SH3BGR: variants seen among roughly 807,000 people sequenced by gnomAD.
The protein encoded by SH3BGR is SH3 domain binding glutamate rich protein.
In SH3BGR, 29 loss-of-function variants were observed where a neutral mutation model predicts 24.5. That is an observed-to-expected ratio of 1.18 (90% CI 0.88 to 1.61). The LOEUF (loss-of-function observed/expected upper bound fraction) is 1.61, where lower values mean the gene tolerates loss of function less well. SH3BGR is among the 40% of genes most tolerant of loss of function. SH3BGR has a pLI of 0.00. For missense variants in SH3BGR, 162 were observed against 205.8 expected (o/e 0.79, Z 1.30); for synonymous variants, 55 against 65.7 (o/e 0.84, Z 0.79).
rs1041924127 is a variant in SH3BGR at position 39,511,042 on chromosome 21, A to G, written c.436-638A>G. The stretch of plus-strand genomic sequence containing the variant: ...TGGGATTATAAAACCTGTTAGGATT[A>G]ACATATCATTCTAAAGCACCATTCT... On this transcript the variant is annotated intron_variant, in intron 5 of 6. Transcript: ENST00000333634. This position sits in a 1 kb window ranked among gnomAD's most constrained non-coding sequence, Gnocchi z 4.2. Among the ~76,000 whole-genome samples, 1 of 150,742 alleles carries G rather than the reference A, an allele frequency of 6.6e-6. No homozygotes were observed. Among genetic ancestry groups the G allele is most frequent in the Non-Finnish European group, 1.5e-5 (1 of 67,784 alleles).
intron 3 of SH3BGR, among the ~76,000 whole-genome samples, chr21:39,476,553 C>G (rs1283350674): frequency 1.3e-5 from 2 of 152,198 alleles, no homozygotes; most frequent in Non-Finnish European, 2.9e-5. Flanking sequence ...CTTCCCACCA[C>G]TGGAAATTTG....
chr21:39,464,738 C>A (rs1265159411), intron 2 of SH3BGR, among the ~76,000 whole-genome samples: 1 of 152,132 alleles, frequency 6.6e-6, no homozygotes, highest in African/African-American at 2.4e-5. Context: ...CTCCTCACCC[C>A]TCGCTCCTGT....
intron 3 of SH3BGR, among the ~76,000 whole-genome samples, chr21:39,480,380 C>T (rs151166502): frequency 2.6e-5 from 4 of 152,322 alleles, no homozygotes; most frequent in Non-Finnish European, 5.9e-5. Flanking sequence ...GGGAACCACT[C>T]AAATGCTTTC....
intron 3 of SH3BGR, among the ~76,000 whole-genome samples, chr21:39,479,244 G>GTGATGGTGGTGGTGGTGC (rs1569160872): frequency 7.5e-6 from 1 of 134,178 alleles, no homozygotes; most frequent in African/African-American, 3.3e-5. Context: ...GGTGGTGGTG[G>GTGATGGTGGTGGTGGTGC]TGGTGGTGGT....
chr21:39,467,625 C>G (rs1040836370), intron 2 of SH3BGR, among the ~76,000 whole-genome samples: 1 of 152,138 alleles, frequency 6.6e-6, no homozygotes, highest in Non-Finnish European at 1.5e-5. Flanking sequence ...TAATGTTAGT[C>G]TAGATAGTCA....
chr21:39,479,288 GGTAGTGGTAATGGTC>G (rs1569160973), intron 3 of SH3BGR, among the ~76,000 whole-genome samples: 1 of 151,278 alleles, frequency 6.6e-6, no homozygotes, highest in African/African-American at 2.4e-5. Context: ...TAGTGATGGT[GGTAGTGGTAATGGTC>G]ATGGTGGTGA....
At chr21:39,483,588 C>T (rs1010833827) in intron 3 of SH3BGR, among the ~76,000 whole-genome samples, 2 of 152,104 alleles carry the variant, frequency 1.3e-5, no homozygotes, top group Non-Finnish European at 2.9e-5. Flanking sequence ...ACCTGCTGAC[C>T]CTGAATTTGG....
intron 3 of SH3BGR, among the ~76,000 whole-genome samples, chr21:39,489,005 C>T (rs896861734): frequency 6.6e-6 from 1 of 152,180 alleles, no homozygotes; most frequent in Non-Finnish European, 1.5e-5. Flanking sequence ...AGATGAGCAA[C>T]AGAGAGAATG....
chr21:39,480,015 G>A (rs2078106153), intron 3 of SH3BGR, among the ~76,000 whole-genome samples: 1 of 152,254 alleles, frequency 6.6e-6, no homozygotes, highest in South Asian at 2.1e-4. Flanking sequence ...TGATTAACTA[G>A]AAACTGCCTG....
At position 39,511,918 on chromosome 21, in the gene SH3BGR, C is replaced by G; in HGVS notation, c.*34+109C>G. On this transcript the variant is annotated intron_variant, in intron 6 of 6. Coordinates refer to ENST00000333634, the MANE Select transcript of SH3BGR (RefSeq NM_007341.3). This position sits in a 1 kb window ranked among gnomAD's most constrained non-coding sequence, Gnocchi z 4.2. ...AAAGGGAATTCCAATTCAGGGCTGT[C>G]TGTCTCCTTCCAAAGCCCTGGTCTG... The G allele has an allele frequency of 9.7e-7, 1 of 1,034,718 alleles. No individual in the cohort carries two copies. The highest frequency in any genetic ancestry group is 1.3e-6 in the Non-Finnish European group (1 of 742,284). 64.1% of individuals were successfully genotyped at this position (1,034,718 alleles called of 1,614,324 possible). A position where few individuals can be genotyped will look rare whatever the true frequency, so the allele number is the denominator to read the frequency against.
intron 2 of SH3BGR, among the ~76,000 whole-genome samples, chr21:39,465,587 T>G (rs2077828266): frequency 2.0e-5 from 3 of 152,122 alleles, no homozygotes; most frequent in Admixed American, 2.0e-4. Context: ...CTGCCCATGC[T>G]TATTTTATTT....
intron 3 of SH3BGR, among the ~76,000 whole-genome samples, chr21:39,481,118 A>T (rs997623566): frequency 6.6e-6 from 1 of 152,178 alleles, no homozygotes; most frequent in African/African-American, 2.4e-5. Flanking sequence ...AAAAGACACC[A>T]TGGACATTTT....
intron 3 of SH3BGR, among the ~76,000 whole-genome samples, chr21:39,499,187 T>C (rs2078448084): frequency 6.6e-6 from 1 of 151,672 alleles, no homozygotes; most frequent in Non-Finnish European, 1.5e-5. Flanking sequence ...GGGATTATAA[T>C]TCAAGATGAG....
chr21:39,501,741 C>T (rs1480255763), intron 4 of SH3BGR, among the ~76,000 whole-genome samples: 1 of 152,176 alleles, frequency 6.6e-6, no homozygotes, highest in Non-Finnish European at 1.5e-5. Context: ...ACATGATTAA[C>T]CCTTATGAGT....
intron 1 of SH3BGR, among the ~76,000 whole-genome samples, chr21:39,455,748 C>G (rs895357500): frequency 1.3e-5 from 2 of 152,238 alleles, no homozygotes; most frequent in African/African-American, 4.8e-5. Flanking sequence ...TCCTAAGACC[C>G]TTTTCTGCAG....
intron 6 of SH3BGR, among the ~76,000 whole-genome samples, chr21:39,513,455 C>T (rs2078731977): frequency 6.6e-6 from 1 of 152,138 alleles, no homozygotes; most frequent in African/African-American, 2.4e-5. Flanking sequence ...ATAAAAAGCA[C>T]TTAATCTATT....
At chr21:39,470,807 C>T (rs2077926327) in intron 2 of SH3BGR, among the ~76,000 whole-genome samples, 1 of 151,616 alleles carries the variant, frequency 6.6e-6, no homozygotes, top group Non-Finnish European at 1.5e-5. Flanking sequence ...CTGAATACAT[C>T]CTATAAGTTT....
intron 2 of SH3BGR, among the ~76,000 whole-genome samples, chr21:39,463,271 A>G (rs1010548182): frequency 3.3e-5 from 5 of 152,200 alleles, no homozygotes; most frequent in African/African-American, 1.2e-4. Flanking sequence ...TAGTTTGAAA[A>G]CTGTTCTGGG....
intron 2 of SH3BGR, among the ~76,000 whole-genome samples, chr21:39,473,015 T>G (rs1172911749): frequency 6.6e-6 from 1 of 152,144 alleles, no homozygotes; most frequent in Non-Finnish European, 1.5e-5. Context: ...TTTTTTTTTC[T>G]TAATTGGGTT....
Sources: gnomAD v4.1 joint callset for allele counts (sites outside exome capture counted in the v4.1 genomes callset) on GRCh38, gnomAD v4.1.1 for gene constraint, Gnocchi (gnomAD v3.1) non-coding constraint, MANE v1.5 for transcripts, NCBI Gene and HGNC (gene_info 2026-07-23, HGNC 2026-07-21) for gene names.